Variants in MAP4K5 observed in about 807,000 individuals in gnomAD.
The protein encoded by MAP4K5 is MAPK/ERK kinase kinase kinase 5.
A neutral mutation model predicts 135.6 loss-of-function variants in MAP4K5; 82 were observed. That is an observed-to-expected ratio of 0.60 (90% CI 0.51 to 0.73). The LOEUF (loss-of-function observed/expected upper bound fraction) is 0.73. Among genes scored for constraint, MAP4K5 ranks in the 30% least tolerant of loss-of-function variants. MAP4K5 has a pLI of 0.00. For missense variants in MAP4K5, 907 were observed against 1,010.9 expected, an observed-to-expected ratio of 0.90 and a Z score of 1.39; for synonymous variants, 347 against 335.0, an observed-to-expected ratio of 1.04 and a Z score of -0.39.
intron 3 of MAP4K5, among the ~76,000 whole-genome samples, chr14:50,488,864 A>C (rs548721745): frequency 1.3e-5 from 2 of 152,354 alleles, no homozygotes; most frequent in South Asian, 4.1e-4. Flanking sequence ...ACTTTAATGC[A>C]AAGAGAGTAA....
intron 13 of MAP4K5, among the ~76,000 whole-genome samples, chr14:50,457,462 C>T (rs2036616926): frequency 6.6e-6 from 1 of 152,150 alleles, no homozygotes; most frequent in Non-Finnish European, 1.5e-5. Flanking sequence ...AGCTCAACCC[C>T]TATTTACCAA....
At chr14:50,451,791 G>GT (rs1157468741) in intron 14 of MAP4K5, among the ~76,000 whole-genome samples, 1 of 151,892 alleles carries the variant, frequency 6.6e-6, no homozygotes. Flanking sequence ...AAAACAAAAC[G>GT]TGTCTTGAGT....
intron 3 of MAP4K5, among the ~76,000 whole-genome samples, chr14:50,498,533 CTA>C (rs1395098832): frequency 6.6e-6 from 1 of 152,168 alleles, no homozygotes; most frequent in Non-Finnish European, 1.5e-5. Flanking sequence ...ATTTTCAACT[CTA>C]AGGCTTACTG....
At chr14:50,514,847 A>AAG (rs1170910860) in intron 2 of MAP4K5, among the ~76,000 whole-genome samples, 1 of 40,068 alleles carries the variant, frequency 2.5e-5, no homozygotes, top group Non-Finnish European at 1.1e-4. Flanking sequence ...CTCAGGACAG[A>AAG]ATGTATCACC....
intron 10 of MAP4K5, among the ~76,000 whole-genome samples, chr14:50,467,384 T>C (rs2036856014): frequency 6.6e-6 from 1 of 152,058 alleles, no homozygotes; most frequent in Non-Finnish European, 1.5e-5. Flanking sequence ...ATTCCCACCA[T>C]TCTATTATTT....
chr14:50,527,167 C>T (rs1003222624), intron 2 of MAP4K5, among the ~76,000 whole-genome samples: 1 of 151,920 alleles, frequency 6.6e-6, no homozygotes, highest in Non-Finnish European at 1.5e-5. Context: ...GGTGAAACCC[C>T]GTCTCTACTA....
intron 2 of MAP4K5, among the ~76,000 whole-genome samples, chr14:50,529,283 G>C (rs1390203801): frequency 6.6e-6 from 1 of 152,100 alleles, no homozygotes; most frequent in East Asian, 1.9e-4. Context: ...GCTACTTGGG[G>C]GGCTGAGGTG....
intron 1 of MAP4K5, among the ~76,000 whole-genome samples, chr14:50,551,975 C>T (rs1397472330): frequency 6.6e-6 from 1 of 152,118 alleles, no homozygotes; most frequent in Non-Finnish European, 1.5e-5. Context: ...CCACTTTCAC[C>T]ACTTCTACTC....
At chr14:50,465,577 T>C (rs878939167) in intron 11 of MAP4K5, among the ~76,000 whole-genome samples, 2 of 152,198 alleles carry the variant, frequency 1.3e-5, no homozygotes, top group African/African-American at 4.8e-5. Context: ...AGATTGATTT[T>C]AAGTGTCATG....
intron 1 of MAP4K5, chr14:50,560,245 G>A (rs781469806): frequency 1.2e-6 from 2 of 1,613,488 alleles, no homozygotes; most frequent in African/African-American, 2.7e-5. Flanking sequence ...GCGCCTCACC[G>A]CCACCAGCTC....
chr14:50,447,687 T>A (rs1477186646), intron 15 of MAP4K5, among the ~76,000 whole-genome samples: 1 of 152,228 alleles, frequency 6.6e-6, no homozygotes, highest in East Asian at 1.9e-4. Context: ...AGAAATTCCA[T>A]AAACATACTA....
At chr14:50,452,738 C>T (rs57915137) in intron 14 of MAP4K5, among the ~76,000 whole-genome samples, 3 of 152,070 alleles carry the variant, frequency 2.0e-5, no homozygotes, top group African/African-American at 7.2e-5. Flanking sequence ...TAGAGACATA[C>T]GCCAATCTTA....
intron 2 of MAP4K5, among the ~76,000 whole-genome samples, chr14:50,542,345 CG>C (rs1208371767): frequency 3.3e-5 from 5 of 151,864 alleles, no homozygotes; most frequent in African/African-American, 1.2e-4. Flanking sequence ...CTAATGCATA[CG>C]GGACTTAAAA....
intron 17 of MAP4K5, 71 bp downstream of exon 17, chr14:50,446,007 CA>C: frequency 1.9e-6 from 2 of 1,054,708 alleles, no homozygotes; most frequent in Non-Finnish European, 2.6e-6. Flanking sequence ...TGAAAAAACT[CA>C]AAATTATTTT....
chr14:50,538,562 G>T (rs770936746), intron 2 of MAP4K5, among the ~76,000 whole-genome samples: 9 of 152,158 alleles, frequency 5.9e-5, no homozygotes, highest in Non-Finnish European at 1.0e-4. Flanking sequence ...GTTTCCTCAC[G>T]CAATAACAGG....
chr14:50,517,077 A>T (rs1359371933), intron 2 of MAP4K5, among the ~76,000 whole-genome samples: 1 of 152,012 alleles, frequency 6.6e-6, no homozygotes, highest in East Asian at 1.9e-4. Context: ...AACAAAAATG[A>T]TAGTAGTTAT....
chr14:50,517,165 T>A (rs2038050750), intron 2 of MAP4K5, among the ~76,000 whole-genome samples: 1 of 151,800 alleles, frequency 6.6e-6, no homozygotes, highest in Admixed American at 6.6e-5. Flanking sequence ...TTTTTTTTTT[T>A]TTTTAAGACA....
intron 7 of MAP4K5, 32 bp from the exon 8 acceptor site, chr14:50,476,202 G>A: frequency 4.1e-6 from 6 of 1,474,156 alleles, no homozygotes; most frequent in Non-Finnish European, 5.5e-6. Context: ...AATTAAATTA[G>A]CATCATAAAA....
In MAP4K5 at chr14:50,423,181, G is replaced by T. The variant is rs374199773; in HGVS notation, c.2398-5C>A. On this transcript the variant is annotated splice_region_variant and splice_polypyrimidine_tract_variant and intron_variant, in intron 31 of 32. Transcript: ENST00000682126. ...ATCTGAAATCTCCTGGGTAACCTAG[G>T]AAAGAAAAATACCTATCAGTAACAT... 6.7e-7 allele frequency: 1 copy of T among 1,491,076 alleles called. No homozygotes were observed. Among genetic ancestry groups the T allele is most frequent in the East Asian group, 2.3e-5 (1 of 44,016 alleles). 92.4% of individuals were successfully genotyped at this position (1,491,076 alleles called of 1,614,324 possible). A position where few individuals can be genotyped will look rare whatever the true frequency, so the allele number is the denominator to read the frequency against.
Sources: gnomAD v4.1 joint callset for allele counts (sites outside exome capture counted in the v4.1 genomes callset) on GRCh38, gnomAD v4.1.1 for gene constraint, MANE v1.5 for transcripts, NCBI Gene and HGNC (gene_info 2026-07-23, HGNC 2026-07-21) for gene names.